Variants in LRRIQ3 observed in about 807,000 individuals in gnomAD.
The protein encoded by LRRIQ3 is leucine rich repeats and IQ motif containing 3.
LRRIQ3 carries 75 observed loss-of-function variants against 59.3 expected under a neutral mutation model. The observed-to-expected ratio is 1.26, with a 90% confidence interval of 1.05 to 1.53. LRRIQ3 has a LOEUF of 1.53. LRRIQ3 is among the 40% of genes most tolerant of loss of function. The pLI is 0.00. For missense variants in LRRIQ3, 831 were observed against 710.0 expected (o/e 1.17, Z -1.94); for synonymous variants, 250 against 231.3 (o/e 1.08, Z -0.73).
At chr1:74,078,333 A>C in intron 5 of LRRIQ3, among the ~76,000 whole-genome samples, 1 of 151,924 alleles carries the variant, frequency 6.6e-6, no homozygotes, top group East Asian at 1.9e-4. Context: ...AAAATATAAA[A>C]GAAATGCTTG....
intron 3 of LRRIQ3, among the ~76,000 whole-genome samples, chr1:74,168,065 TG>T (rs1368665623): frequency 3.9e-5 from 6 of 152,058 alleles, no homozygotes; most frequent in Non-Finnish European, 7.4e-5. Flanking sequence ...TTGCTGTTGT[TG>T]GGTGGTGTTC....
chr1:74,050,613 T>A, intron 6 of LRRIQ3: 2 of 982,130 alleles, frequency 2.0e-6, no homozygotes, highest in Non-Finnish European at 2.4e-6. Flanking sequence ...AAAATCAGCA[T>A]AGCTGTGATT....
chr1:74,160,596 T>C (rs1297838839), intron 3 of LRRIQ3, among the ~76,000 whole-genome samples: 1 of 152,068 alleles, frequency 6.6e-6, no homozygotes, highest in Admixed American at 6.6e-5. Flanking sequence ...ATGTCTACAT[T>C]GTTTCTCATA....
chr1:74,158,376 T>C (rs1287476016), intron 3 of LRRIQ3, among the ~76,000 whole-genome samples: 1 of 152,184 alleles, frequency 6.6e-6, no homozygotes, highest in African/African-American at 2.4e-5. Flanking sequence ...AAAGTCCTTC[T>C]TGATCTAGTC....
In LRRIQ3 at chr1:74,071,131, T is replaced by G. The variant is rs1005331161; in HGVS notation, c.997+3530A>C. On this transcript the variant is annotated intron_variant, in intron 6 of 7. Coordinates refer to ENST00000354431, the MANE Select transcript of LRRIQ3 (RefSeq NM_001105659.2). The stretch of plus-strand genomic sequence containing the variant: ...GTTAGGTAAATTGTTTGTATGTATA[T>G]ATAACTATCTATTGTCTATCATCTA... Among the ~76,000 whole-genome samples, 3 of 151,954 alleles carry G rather than the reference T, an allele frequency of 2.0e-5. No individual in the cohort carries two copies. The East Asian group carries it at 5.8e-4, about 29-fold the overall frequency.
At chr1:74,134,056 C>T (rs1647076140) in intron 4 of LRRIQ3, among the ~76,000 whole-genome samples, 2 of 151,636 alleles carry the variant, frequency 1.3e-5, no homozygotes, top group Non-Finnish European at 2.9e-5. Flanking sequence ...ATTTTTATTA[C>T]TCATTTCTAA....
chr1:74,038,780 A>C (rs1466145498), intron 7 of LRRIQ3, among the ~76,000 whole-genome samples: 1 of 152,192 alleles, frequency 6.6e-6, no homozygotes, highest in African/African-American at 2.4e-5. Flanking sequence ...CAACAATAGC[A>C]TCAGCAAAAA....
At chr1:74,082,152 C>A (rs1390444394) in intron 5 of LRRIQ3, 5 of 151,320 alleles carry the variant, frequency 3.3e-5, no homozygotes, top group Non-Finnish European at 7.4e-5. Context: ...TAAATTATGT[C>A]TTTTTCAAAA....
In LRRIQ3 at chr1:74,041,711, A is replaced by T. The variant is rs758948263; in HGVS notation, c.1220T>A (p.Phe407Tyr). ...DIRLERSMKE[F>Y]FAPQRAGMKL... ...CATACCAGCTCTTTGTGGTGCAAAA[A>T]ACTCTTTCATACTCCGCTCCAATCG... The change falls in exon 7 of 8, where the codon TTT (phenylalanine) becomes TAT (tyrosine). Residue 407 changes from phenylalanine (F) to tyrosine (Y), a missense_variant. Transcript: ENST00000354431. The T allele has an allele frequency of 1.2e-5, 19 of 1,613,526 alleles. No homozygotes were observed. Among genetic ancestry groups the T allele is most frequent in the Non-Finnish European group, 1.6e-5 (19 of 1,179,762 alleles).
chr1:74,037,618 G>A (rs896554941), intron 7 of LRRIQ3, among the ~76,000 whole-genome samples: 7 of 152,080 alleles, frequency 4.6e-5, no homozygotes, highest in African/African-American at 1.7e-4. Context: ...CAACAAGAGT[G>A]AAACTGTGTC....
intron 4 of LRRIQ3, among the ~76,000 whole-genome samples, chr1:74,119,208 T>A (rs970852789): frequency 6.6e-6 from 1 of 152,170 alleles, no homozygotes; most frequent in Non-Finnish European, 1.5e-5. Flanking sequence ...TAAATCCTTA[T>A]AAGAACTATT....
chr1:74,109,686 G>A (rs1179422882), intron 4 of LRRIQ3, 133 bp from the exon 5 acceptor site: 2 of 675,302 alleles, frequency 3.0e-6, no homozygotes, highest in East Asian at 6.7e-5. Flanking sequence ...TATTTTCATA[G>A]TAGTGTTATA....
intron 7 of LRRIQ3, among the ~76,000 whole-genome samples, chr1:74,038,819 G>A (rs2100381133): frequency 6.6e-6 from 1 of 152,252 alleles, no homozygotes; most frequent in African/African-American, 2.4e-5. Context: ...CCTATCCAAG[G>A]GTGAGCAGCC....
chr1:74,103,733 G>A (rs1190772394), intron 5 of LRRIQ3, among the ~76,000 whole-genome samples: 1 of 151,502 alleles, frequency 6.6e-6, no homozygotes, highest in Non-Finnish European at 1.5e-5. Flanking sequence ...ATGAGTAGTA[G>A]CTTCAATATT....
chr1:74,170,508 C>T (rs1013851009), intron 3 of LRRIQ3, among the ~76,000 whole-genome samples: 5 of 151,882 alleles, frequency 3.3e-5, no homozygotes, highest in African/African-American at 9.7e-5. Flanking sequence ...TTCTGTATTC[C>T]GTTCTATTGT....
chr1:74,178,219 GT>G (rs1321799877), intron 3 of LRRIQ3, among the ~76,000 whole-genome samples: 1 of 151,708 alleles, frequency 6.6e-6, no homozygotes, highest in Non-Finnish European at 1.5e-5. Flanking sequence ...CTTTATTTCA[GT>G]TTTTACATTC....
Position 74,066,733 on chromosome 1 carries a change from C to G in LRRIQ3, c.997+7928G>C, listed in dbSNP as rs1448428104. 2.0e-5 allele frequency among the ~76,000 whole-genome samples: 3 copies of G among 152,116 alleles called. No homozygotes were observed. The East Asian group carries it at 5.8e-4, about 29-fold the overall frequency. On this transcript the variant is annotated intron_variant, in intron 6 of 7. Coordinates refer to ENST00000354431, the MANE Select transcript of LRRIQ3 (RefSeq NM_001105659.2). ...CCATCACCATGGTTAGTATATTACTCAAGATAATTAACACTAGATGCCATG... is the reference window on the plus strand; with the variant it reads ...CCATCACCATGGTTAGTATATTACTGAAGATAATTAACACTAGATGCCATG...
At chr1:74,113,585 A>G (rs1646733934) in intron 4 of LRRIQ3, among the ~76,000 whole-genome samples, 1 of 152,102 alleles carries the variant, frequency 6.6e-6, no homozygotes, top group Non-Finnish European at 1.5e-5. Flanking sequence ...CTCTTATGAG[A>G]AACAATGGAA....
At chr1:74,036,538 T>A (rs1424914559) in intron 7 of LRRIQ3, among the ~76,000 whole-genome samples, 1 of 152,236 alleles carries the variant, frequency 6.6e-6, no homozygotes, top group East Asian at 1.9e-4. Flanking sequence ...TTCTTGCTAA[T>A]CTGTCTTTAT....
Sources: allele counts gnomAD v4.1 joint callset (sites outside exome capture counted in the v4.1 genomes callset), GRCh38; gene constraint gnomAD v4.1.1; transcripts MANE v1.5; gene names NCBI Gene and HGNC (gene_info 2026-07-23, HGNC 2026-07-21).